EFCC1: variants seen among roughly 807,000 people sequenced by gnomAD.
EFCC1 encodes the protein EF-hand and coiled-coil domain-containing protein 1.
EFCC1 carries 50 observed loss-of-function variants against 52.1 expected under a neutral mutation model. The observed-to-expected ratio is 0.96, with a 90% CI of 0.76 to 1.21. The LOEUF is 1.21. Ranked by LOEUF, EFCC1 falls within the 50% of genes most tolerant of loss-of-function variation. The pLI, the probability that EFCC1 is intolerant of heterozygous loss-of-function variation, is 0.00. For synonymous variants in EFCC1, 399 were observed against 396.5 expected (o/e 1.01, Z -0.08); for missense variants, 837 against 867.3 (o/e 0.97, Z 0.44).
intron 2 of EFCC1, among the ~76,000 whole-genome samples, chr3:129,022,624 G>A (rs1002175835): frequency 3.9e-5 from 6 of 152,318 alleles, no homozygotes; most frequent in South Asian, 2.1e-4. Context: ...ACACCCAACC[G>A]CACACAAGGA....
chr3:129,013,605 T>TCCCCCC (rs1265019407), intron 2 of EFCC1, among the ~76,000 whole-genome samples: 2 of 152,178 alleles, frequency 1.3e-5, no homozygotes, highest in Non-Finnish European at 2.9e-5. Flanking sequence ...ACTTTCTCTT[T>TCCCCCC]CCCAGTAGTT....
chr3:129,005,946 CACA>C (rs1945055924), intron 2 of EFCC1, among the ~76,000 whole-genome samples: 1 of 152,256 alleles, frequency 6.6e-6, no homozygotes, highest in Non-Finnish European at 1.5e-5. Flanking sequence ...TTTCTAAAAT[CACA>C]ACTAGTCCTC....
intron 5 of EFCC1, among the ~76,000 whole-genome samples, chr3:129,034,757 CCT>C: frequency 6.6e-6 from 1 of 152,166 alleles, no homozygotes; most frequent in East Asian, 1.9e-4. Flanking sequence ...CCTGGGAAGC[CCT>C]CACAGGAAAA....
chr3:129,040,024 G>A lies in EFCC1; in HGVS notation c.*176G>A, dbSNP rs887059084. 31 of 751,614 alleles carry A rather than the reference G, an allele frequency of 4.1e-5. No homozygotes were observed. Among genetic ancestry groups the A allele is most frequent in the Non-Finnish European group, 3.9e-6 (2 of 511,672 alleles). 46.6% of individuals were successfully genotyped at this position (751,614 alleles called of 1,614,324 possible). A position where few individuals can be genotyped will look rare whatever the true frequency, so the allele number is the denominator to read the frequency against. On this transcript the variant is annotated 3_prime_UTR_variant, in exon 8 of 8. Coordinates refer to ENST00000683648, the MANE Select transcript of EFCC1 (RefSeq NM_001377500.1). The surrounding 1 kb of genome is among the most constrained non-coding windows in gnomAD (Gnocchi z 4.4). ...CCCAGAGCCTCCCATTGCAGCACCTGGCAGCCACCCCTTCCTCGGGCTCCT... is the reference window on the plus strand; with the variant it reads ...CCCAGAGCCTCCCATTGCAGCACCTAGCAGCCACCCCTTCCTCGGGCTCCT...
chr3:129,015,096 C>T (rs1356848470), intron 2 of EFCC1, among the ~76,000 whole-genome samples: 1 of 152,200 alleles, frequency 6.6e-6, no homozygotes, highest in Non-Finnish European at 1.5e-5. Flanking sequence ...GATCCCACCT[C>T]GGGCTCGCCC....
At chr3:129,018,830 G>A (rs1421431179) in intron 2 of EFCC1, among the ~76,000 whole-genome samples, 5 of 152,186 alleles carry the variant, frequency 3.3e-5, no homozygotes, top group African/African-American at 9.7e-5. Context: ...CATTGGCGGC[G>A]TTGTGGCACA....
intron 2 of EFCC1, among the ~76,000 whole-genome samples, chr3:129,007,503 T>G (rs1945125374): frequency 6.6e-6 from 1 of 152,142 alleles, no homozygotes; most frequent in Non-Finnish European, 1.5e-5. Context: ...TTGAAGCCAT[T>G]TGGTTAGAAT....
chr3:129,033,039 TGG>T lies in EFCC1; in HGVS notation c.1286+75_1286+76del, dbSNP rs1946303007. 4 of 1,430,822 alleles carry T rather than the reference TGG, an allele frequency of 2.8e-6. No individual in the cohort carries two copies. In the Admixed American group the frequency reaches 8.4e-5, roughly 30 times the overall value. The allele number at this position is 1,430,822 out of a possible 1,614,324, so 88.6% of individuals were successfully genotyped here. On this transcript the variant is annotated intron_variant, in intron 4 of 7. Transcript: ENST00000683648. ...GGTGTCTGGGGAAGCCAGGAGCACC[TGG>T]GAGGCTGGTTAGCCTGGCTCAGCCA...
intron 2 of EFCC1, among the ~76,000 whole-genome samples, chr3:129,012,408 C>T (rs1002903652): frequency 2.6e-5 from 4 of 152,150 alleles, no homozygotes; most frequent in African/African-American, 9.7e-5. Flanking sequence ...CAGCACTCTC[C>T]ATCCACCTGT....
rs1945272163 is a variant in EFCC1 at position 129,010,448 on chromosome 3, C to CT, written c.980+6371_980+6372insT. On this transcript the variant is annotated intron_variant, in intron 2 of 7. Transcript: ENST00000683648. This position sits in a 1 kb window ranked among gnomAD's most constrained non-coding sequence, Gnocchi z 4.3. ...GCTCAGCCGGAACAGGGAGGAGAGG[C>CT]CTGGCGGCCTGGCCTCTGGCTTTGT... Among the ~76,000 whole-genome samples the CT allele has an allele frequency of 6.6e-6, 1 of 151,912 alleles. No homozygotes were observed. Among genetic ancestry groups the CT allele is most frequent in the African/African-American group, 2.4e-5 (1 of 41,352 alleles).
chr3:129,037,042 C>T lies in EFCC1; in HGVS notation c.1518C>T (p.Thr506=), dbSNP rs780994479. The T allele has an allele frequency of 6.2e-6, 10 of 1,613,730 alleles. No individual in the cohort carries two copies. Among genetic ancestry groups the T allele is most frequent in the Middle Eastern group, 1.6e-4 (1 of 6,062 alleles). Residue 506 remains threonine (T), a synonymous_variant, in exon 6 of 8, where the codon ACC becomes ACT. Coordinates refer to ENST00000683648, the MANE Select transcript of EFCC1 (RefSeq NM_001377500.1). ...GGCTGGAGCTGCAGATGGTAGAGACCGAGAGGGTGCGGCTGTCCCTGCTGG... is the reference window on the plus strand; with the variant it reads ...GGCTGGAGCTGCAGATGGTAGAGACTGAGAGGGTGCGGCTGTCCCTGCTGG... ...HLRLELQMVE[T]ERVRLSLLEE...
chr3:129,004,168 C>T (rs1010493929), intron 2 of EFCC1, 91 bp downstream of exon 2: 1 of 1,324,798 alleles, frequency 7.5e-7, no homozygotes, highest in Non-Finnish European at 9.7e-7. Flanking sequence ...CCCACGCGCT[C>T]TCGTGTTCCG....
At position 129,037,036 on chromosome 3, in the gene EFCC1, A is replaced by G. The variant is rs1327690322; in HGVS notation, c.1512A>G (p.Val504=). Residue 504 remains valine (V), a synonymous_variant, in exon 6 of 8, where the codon GTA becomes GTG. Transcript: ENST00000683648. ...ACCTGAGGCTGGAGCTGCAGATGGT[A>G]GAGACCGAGAGGGTGCGGCTGTCCC... ...NEHLRLELQM[V]ETERVRLSLL... The G allele has an allele frequency of 6.2e-7, 1 of 1,613,898 alleles. No homozygotes were observed. Among genetic ancestry groups the G allele is most frequent in the African/African-American group, 1.3e-5 (1 of 75,052 alleles).
intron 2 of EFCC1, among the ~76,000 whole-genome samples, chr3:129,023,630 C>T (rs1323973562): frequency 6.6e-6 from 1 of 152,206 alleles, no homozygotes; most frequent in Non-Finnish European, 1.5e-5. Context: ...CCGCGCCTGG[C>T]CACCTCTTGA....
intron 2 of EFCC1, among the ~76,000 whole-genome samples, 179 bp downstream of exon 2, chr3:129,004,256 CAT>C (rs1307824779): frequency 6.6e-6 from 1 of 152,184 alleles, no homozygotes; most frequent in African/African-American, 2.4e-5. Flanking sequence ...AAGTCTGCTC[CAT>C]TGCTTGCTCT....
chr3:129,039,388 C>T (rs775715317), intron 7 of EFCC1, among the ~76,000 whole-genome samples: 1 of 152,218 alleles, frequency 6.6e-6, no homozygotes, highest in Non-Finnish European at 1.5e-5. Context: ...AGGCCGAGCT[C>T]CTGCCTCACG....
chr3:129,039,066 C>A (rs1363765437), intron 7 of EFCC1, among the ~76,000 whole-genome samples, 166 bp downstream of exon 7: 2 of 152,214 alleles, frequency 1.3e-5, no homozygotes, highest in South Asian at 4.1e-4. Flanking sequence ...AGAGCAGAGG[C>A]ACAGAAGCCC....
chr3:129,034,102 G>A (rs1270420136), intron 4 of EFCC1, 62 bp from the exon 5 acceptor site: 2 of 1,604,222 alleles, frequency 1.2e-6, no homozygotes, highest in Non-Finnish European at 1.7e-6. Context: ...CCTCTCCAAG[G>A]CTGGACAGAG....
intron 2 of EFCC1, among the ~76,000 whole-genome samples, chr3:129,022,054 A>G (rs904802241): frequency 3.3e-5 from 5 of 152,238 alleles, no homozygotes; most frequent in African/African-American, 1.2e-4. Context: ...CACAGCACCC[A>G]GAACTCACCG....
Sources: allele counts gnomAD v4.1 joint callset (sites outside exome capture counted in the v4.1 genomes callset), GRCh38; gene constraint gnomAD v4.1.1; non-coding constraint Gnocchi (gnomAD v3.1); transcripts MANE v1.5; gene names NCBI Gene and HGNC (gene_info 2026-07-23, HGNC 2026-07-21).